Variants in PREX1 observed in about 807,000 individuals in gnomAD.
PREX1 encodes phosphatidylinositol-3,4,5-trisphosphate dependent Rac exchange factor 1, also known as phosphatidylinositol 3,4,5-trisphosphate-dependent Rac exchanger 1 protein.
A neutral mutation model predicts 198.3 loss-of-function variants in PREX1; 41 were observed. The observed-to-expected ratio is 0.21, with a 90% CI of 0.16 to 0.27. PREX1 has a LOEUF of 0.27. Ranked by LOEUF, PREX1 falls within the 10% of genes least tolerant of loss-of-function variation. The probability of loss-of-function intolerance (pLI) is 1.00; values close to 1 mark genes in which losing one functional copy is unlikely to be tolerated. For synonymous variants in PREX1, 843 were observed against 887.2 expected, an observed-to-expected ratio of 0.95 and a Z score of 0.89; for missense variants, 1,620 against 2,200.7, an observed-to-expected ratio of 0.74 and a Z score of 5.28.
intron 5 of PREX1, among the ~76,000 whole-genome samples, chr20:48,724,906 A>T (rs1490335165): frequency 3.3e-5 from 5 of 152,176 alleles, no homozygotes; most frequent in African/African-American, 1.2e-4. Flanking sequence ...CATTTCTAAG[A>T]CCTATCTAGG....
chr20:48,864,512 A>T, the PREX1 span, among the ~76,000 whole-genome samples: 1 of 152,208 alleles, frequency 6.6e-6, no homozygotes, highest in African/African-American at 2.4e-5. Context: ...CTGGGAAGTA[A>T]GCCTGTTATC....
At position 48,653,385 on chromosome 20, in the gene PREX1, G is replaced by A; in HGVS notation, c.2322C>T (p.Phe774=). 6.2e-7 allele frequency: 1 copy of A among 1,613,782 alleles called. No homozygotes were observed. Among genetic ancestry groups the A allele is most frequent in the South Asian group, 1.1e-5 (1 of 91,072 alleles). The part of the protein sequence containing the change: ...APEVLEHFQA[F]RSRREEALGL... ...CCAGGGCCTCTTCGCGCCGACTCCGGAATGCCTGGAAGTGCTCCAGGACCT... is the reference window on the plus strand; with the variant it reads ...CCAGGGCCTCTTCGCGCCGACTCCGAAATGCCTGGAAGTGCTCCAGGACCT... The change falls in exon 20 of 40, where the codon TTC becomes TTT. Residue 774 remains phenylalanine (F), a synonymous_variant. Transcript: ENST00000371941.
intron 1 of PREX1, among the ~76,000 whole-genome samples, chr20:48,760,831 C>T (rs1179291605): frequency 6.6e-6 from 1 of 152,130 alleles, no homozygotes; most frequent in East Asian, 1.9e-4. Context: ...TGCATTCTTA[C>T]ATTCGCCTGT....
chr20:48,658,340 GC>G, intron 16 of PREX1, 112 bp from the exon 17 acceptor site: 1 of 1,070,766 alleles, frequency 9.3e-7, no homozygotes, highest in Non-Finnish European at 1.4e-6. Context: ...TAGGGAAGTG[GC>G]CAGATCCAGG....
chr20:48,686,187 C>T (rs1277847934), intron 10 of PREX1, among the ~76,000 whole-genome samples: 1 of 152,024 alleles, frequency 6.6e-6, no homozygotes, highest in Non-Finnish European at 1.5e-5. Context: ...CCAGCACATG[C>T]AGCAAAGGGC....
At chr20:48,776,506 G>A (rs564848625) in intron 1 of PREX1, among the ~76,000 whole-genome samples, 2 of 152,326 alleles carry the variant, frequency 1.3e-5, no homozygotes, top group Admixed American at 6.5e-5. Flanking sequence ...CTTCAGAGGG[G>A]GAGTCCACGG....
At chr20:48,721,070 C>G (rs546749018) in intron 5 of PREX1, among the ~76,000 whole-genome samples, 1 of 152,350 alleles carries the variant, frequency 6.6e-6, no homozygotes, top group African/African-American at 2.4e-5. Context: ...CAAGCTGATA[C>G]TTGGACATAA....
intron 30 of PREX1, among the ~76,000 whole-genome samples, chr20:48,639,002 G>A (rs1489297615): frequency 6.6e-6 from 1 of 152,228 alleles, no homozygotes; most frequent in Non-Finnish European, 1.5e-5. Context: ...TTCCCCGAGG[G>A]AACAGCCCAG....
intron 1 of PREX1, among the ~76,000 whole-genome samples, chr20:48,786,523 C>T (rs1029689572): frequency 6.6e-6 from 1 of 152,120 alleles, no homozygotes. Context: ...GCAGGTGGAT[C>T]ACCTGAGGTC....
At chr20:48,655,945 C>T (rs1211249622) in intron 18 of PREX1, among the ~76,000 whole-genome samples, 1 of 152,190 alleles carries the variant, frequency 6.6e-6, no homozygotes, top group African/African-American at 2.4e-5. Flanking sequence ...CAACCCTATG[C>T]TGCACAATTG....
At chr20:48,758,831 C>A (rs1310749413) in intron 1 of PREX1, among the ~76,000 whole-genome samples, 1 of 151,526 alleles carries the variant, frequency 6.6e-6, no homozygotes, top group Non-Finnish European at 1.5e-5. Flanking sequence ...CCTATCCCTG[C>A]TCTGTTTTCC....
chr20:48,842,754 A>C, the PREX1 span, among the ~76,000 whole-genome samples: 1 of 151,988 alleles, frequency 6.6e-6, no homozygotes, highest in Admixed American at 6.6e-5. Context: ...AGATGAAGCC[A>C]AACATCCACT....
chr20:48,785,785 AG>A (rs2090309286), intron 1 of PREX1, among the ~76,000 whole-genome samples: 2 of 152,248 alleles, frequency 1.3e-5, no homozygotes, highest in Non-Finnish European at 2.9e-5. Flanking sequence ...AGGCATCAGC[AG>A]GAAAAAAAAA....
chr20:48,669,990 T>A (rs1480593782), intron 14 of PREX1, among the ~76,000 whole-genome samples: 1 of 152,154 alleles, frequency 6.6e-6, no homozygotes, highest in Non-Finnish European at 1.5e-5. Flanking sequence ...TACAAGGAGC[T>A]GCAGGATTTC....
chr20:48,697,774 G>C (rs1265226496), intron 7 of PREX1, among the ~76,000 whole-genome samples: 2 of 152,166 alleles, frequency 1.3e-5, no homozygotes, highest in South Asian at 4.1e-4. Flanking sequence ...TCTGGGTCCT[G>C]GTTTCCCCTT....
At chr20:48,817,456 C>T (rs1031393283) in intron 1 of PREX1, among the ~76,000 whole-genome samples, 1 of 152,214 alleles carries the variant, frequency 6.6e-6, no homozygotes, top group South Asian at 2.1e-4. Context: ...AATAACCTCA[C>T]TAATTACTGG....
intron 1 of PREX1, among the ~76,000 whole-genome samples, chr20:48,772,980 T>C (rs889842698): frequency 2.0e-5 from 3 of 152,098 alleles, no homozygotes; most frequent in African/African-American, 7.2e-5. Flanking sequence ...GAAATGTCCA[T>C]AACTGGCCAG....
rs554745136 is a variant in PREX1, at chr20:48,787,104, C to T, written c.220-39224G>A. On this transcript the variant is annotated intron_variant, in intron 1 of 39. Coordinates refer to ENST00000371941, the MANE Select transcript of PREX1 (RefSeq NM_020820.4). ...AACGTCCAGCAAAGGCTGCGAGAAG[C>T]GGGCTGGAAGGCCATTCCTGACACC... 4.6e-5 allele frequency among the ~76,000 whole-genome samples: 7 copies of T among 152,206 alleles called. No homozygotes were observed. The South Asian group carries it at 8.3e-4, about 18-fold the overall frequency.
rs56284209 is a variant in PREX1, at chr20:48,816,987, G to C, written c.219+10655C>G. Reference sequence around the variant, plus strand: ...AATACGCCATCTCTGTGTGATCCTAGGCAAGTGACCTCACCCTCTCTGGGC... The same window carrying C: ...AATACGCCATCTCTGTGTGATCCTACGCAAGTGACCTCACCCTCTCTGGGC... On this transcript the variant is annotated intron_variant, in intron 1 of 39. Coordinates refer to ENST00000371941, the MANE Select transcript of PREX1 (RefSeq NM_020820.4). Among the ~76,000 whole-genome samples, 965 of 152,292 alleles carry C rather than the reference G, an allele frequency of 6.3e-3. 5 individuals are homozygous for C. Among genetic ancestry groups the C allele is most frequent in the Non-Finnish European group, 8.8e-3 (600 of 68,022 alleles).
Sources: allele counts gnomAD v4.1 joint callset (sites outside exome capture counted in the v4.1 genomes callset), GRCh38; gene constraint gnomAD v4.1.1; transcripts MANE v1.5; gene names NCBI Gene and HGNC (gene_info 2026-07-23, HGNC 2026-07-21).